OTOP2: variants seen among roughly 807,000 people sequenced by gnomAD.
The protein encoded by OTOP2 is proton channel OTOP2.
In OTOP2, 41 loss-of-function variants were observed where a neutral mutation model predicts 47.4. The ratio of observed to expected loss-of-function variants is 0.87; its 90% CI spans 0.67 to 1.12. The LOEUF is 1.12. OTOP2 is among the 50% of genes most tolerant of loss of function. The pLI is 0.00. For missense variants in OTOP2, 721 were observed against 752.2 expected (o/e 0.96, Z 0.49); for synonymous variants, 328 against 319.6 (o/e 1.03, Z -0.28).
Position 74,933,431 on chromosome 17 carries a change from G to A in OTOP2, c.1575G>A (p.Val525=). ...CTCATTTCAGCAACACAGTGGAGGTGGATTTCTACGGCTACTCCCTCTGGG... is the reference window on the plus strand; with the variant it reads ...CTCATTTCAGCAACACAGTGGAGGTAGATTTCTACGGCTACTCCCTCTGGG... ...ARPHFSNTVE[V]DFYGYSLWAV... Residue 525 remains valine (V), a synonymous_variant, in exon 7 of 7, where the codon GTG becomes GTA. Coordinates refer to ENST00000331427, the MANE Select transcript of OTOP2 (RefSeq NM_178160.3). This position sits in a 1 kb window ranked among gnomAD's most constrained non-coding sequence, Gnocchi z 4.7. 1.2e-6 allele frequency: 2 copies of A among 1,614,150 alleles called. No individual in the cohort carries two copies. The highest frequency in any genetic ancestry group is 8.5e-7 in the Non-Finnish European group (1 of 1,179,968).
intron 5 of OTOP2, chr17:74,928,043 C>T: frequency 2.0e-6 from 1 of 499,620 alleles, no homozygotes; most frequent in South Asian, 3.0e-5. Flanking sequence ...GTCTCCATCC[C>T]ACCAAGAAGG....
intron 5 of OTOP2, 123 bp downstream of exon 5, chr17:74,927,921 C>T: frequency 7.6e-7 from 1 of 1,307,482 alleles, no homozygotes; most frequent in Non-Finnish European, 1.0e-6. Context: ...GAGCCAGGGT[C>T]CTCCTCCTGT....
In OTOP2 at chr17:74,930,558, T is replaced by A; in HGVS notation, c.923T>A (p.Ile308Asn). 6.2e-7 allele frequency: 1 copy of A among 1,613,456 alleles called. No homozygotes were observed. ...LLFVVGLAVF[I>N]IYEVQVSGDG... is the part of the protein sequence containing the mutation. Reference sequence around the variant, plus strand: ...TTCGTGGTGGGGCTGGCTGTCTTCATCATCTACGAGGTTCAAGTGAGCGGG... The same window carrying A: ...TTCGTGGTGGGGCTGGCTGTCTTCAACATCTACGAGGTTCAAGTGAGCGGG... Residue 308 changes from isoleucine (I) to asparagine (N), a missense_variant, in exon 6 of 7, where the codon ATC (isoleucine) becomes AAC (asparagine). Ile to Asn is a moderately radical substitution (Grantham distance 149, BLOSUM62 -3). Transcript: ENST00000331427. This position sits in a 1 kb window ranked among gnomAD's most constrained non-coding sequence, Gnocchi z 4.0.
rs1480108737 is a variant in OTOP2, at chr17:74,925,623, T to C, written c.381T>C (p.Ser127=). 6.2e-7 allele frequency: 1 copy of C among 1,614,168 alleles called. No individual in the cohort carries two copies. Among genetic ancestry groups the C allele is most frequent in the Admixed American group, 1.7e-5 (1 of 60,024 alleles). Residue 127 remains serine, a synonymous_variant, in exon 3 of 7, where the codon AGT becomes AGC. Transcript: ENST00000331427. ...TCTTCAAGACCGGCTACTACTCCAG[T>C]TTCTTTGAGTGCCAGTCAGCCATCA... ...MDVFKTGYYS[S]FFECQSAIKI...
Position 74,930,673 on chromosome 17 carries a change from C to A in OTOP2, c.1038C>A (p.Gly346=). 1 of 1,614,098 alleles carries A rather than the reference C, an allele frequency of 6.2e-7. No individual in the cohort carries two copies. The highest frequency in any genetic ancestry group is 8.5e-7 in the Non-Finnish European group (1 of 1,180,026). The change falls in exon 6 of 7, where the codon GGC becomes GGA. Residue 346 remains glycine, a synonymous_variant. Coordinates refer to ENST00000331427, the MANE Select transcript of OTOP2 (RefSeq NM_178160.3). The surrounding 1 kb of genome is among the most constrained non-coding windows in gnomAD (Gnocchi z 4.0). Reference sequence around the variant, plus strand: ...TCACCACCTTGGTCAGCCTGAGCGGCTCCATCATCTACCGTTTTGACCGCC... The same window carrying A: ...TCACCACCTTGGTCAGCCTGAGCGGATCCATCATCTACCGTTTTGACCGCC... The part of the protein sequence containing the change: ...LGLTTLVSLS[G]SIIYRFDRRA...
intron 5 of OTOP2, 177 bp downstream of exon 5, chr17:74,927,975 G>A (rs939160611): frequency 9.5e-6 from 8 of 845,102 alleles, no homozygotes; most frequent in East Asian, 8.6e-5. Context: ...GACCCCAGAA[G>A]GGAAGTATCA....
intron 6 of OTOP2, among the ~76,000 whole-genome samples, chr17:74,931,379 C>T (rs2039057531): frequency 6.6e-6 from 1 of 152,154 alleles, no homozygotes; most frequent in African/African-American, 2.4e-5. Flanking sequence ...GGCATCTAAG[C>T]AGCAGATGGA....
intron 2 of OTOP2, 94 bp from the exon 3 acceptor site, chr17:74,925,462 A>C: frequency 6.6e-7 from 1 of 1,525,678 alleles, no homozygotes; most frequent in Non-Finnish European, 8.9e-7. Flanking sequence ...CCACCCATCT[A>C]GCCTCCCATC....
chr17:74,925,782 A>T (rs2039002145), intron 3 of OTOP2, 90 bp downstream of exon 3: 11 of 1,554,638 alleles, frequency 7.1e-6, no homozygotes, highest in Non-Finnish European at 9.6e-6. Flanking sequence ...CCTGAGCTCC[A>T]TCCGCCTCGT....
intron 3 of OTOP2, 46 bp downstream of exon 3, chr17:74,925,738 G>C: frequency 6.2e-7 from 1 of 1,610,574 alleles, no homozygotes; most frequent in Non-Finnish European, 8.5e-7. Context: ...GCTAACACTT[G>C]GCCATTGGGA....
In OTOP2 at chr17:74,930,672, G is replaced by A. The variant is rs770637853; in HGVS notation, c.1037G>A (p.Gly346Asp). ...CTCACCACCTTGGTCAGCCTGAGCG[G>A]CTCCATCATCTACCGTTTTGACCGC... ...LGLTTLVSLS[G>D]SIIYRFDRRA... Residue 346 changes from glycine (G) to aspartate (D), a missense_variant, in exon 6 of 7, where the codon GGC (glycine) becomes GAC (aspartate). Coordinates refer to ENST00000331427, the MANE Select transcript of OTOP2 (RefSeq NM_178160.3). This position sits in a 1 kb window ranked among gnomAD's most constrained non-coding sequence, Gnocchi z 4.0. The A allele has an allele frequency of 1.7e-5, 28 of 1,613,916 alleles. No individual in the cohort carries two copies. Among genetic ancestry groups the A allele is most frequent in the Non-Finnish European group, 2.4e-5 (28 of 1,180,018 alleles).
At chr17:74,927,149 G>C (rs2039014836) in intron 3 of OTOP2, 74 bp from the exon 4 acceptor site, 2 of 1,329,626 alleles carry the variant, frequency 1.5e-6, no homozygotes, top group Non-Finnish European at 2.2e-6. Flanking sequence ...AGAACAAGAT[G>C]GCATGGACTT....
chr17:74,927,930 G>C (rs183223186), intron 5 of OTOP2, 132 bp downstream of exon 5: 239 of 1,242,922 alleles, frequency 1.9e-4, no homozygotes, highest in Admixed American at 3.5e-4. Flanking sequence ...TCCTCCTCCT[G>C]TTGCAGGATC....
chr17:74,931,083 C>A lies in OTOP2; in HGVS notation c.1448C>A (p.Thr483Asn). Residue 483 changes from threonine to asparagine, a missense_variant, in exon 6 of 7, where the codon ACC becomes AAC. Thr to Asn is a moderately conservative substitution (Grantham distance 65). Transcript: ENST00000331427. ...CGGGAAGCAGTGGCCATCGTCTCAACCCCCAGAAGCCAGTGGAGACGCCAG... is the reference window on the plus strand; with the variant it reads ...CGGGAAGCAGTGGCCATCGTCTCAAACCCCAGAAGCCAGTGGAGACGCCAG... ...DQREAVAIVS[T>N]PRSQWRRQCL... 1 of 1,614,040 alleles carries A rather than the reference C, an allele frequency of 6.2e-7. No homozygotes were observed. Among genetic ancestry groups the A allele is most frequent in the East Asian group, 2.2e-5 (1 of 44,882 alleles).
rs1475560161 is a variant in OTOP2 at position 74,927,664 on chromosome 17, G to C, written c.510-1G>C. 8 of 1,612,966 alleles carry C rather than the reference G, an allele frequency of 5.0e-6. No individual in the cohort carries two copies. The highest frequency in any genetic ancestry group is 5.1e-6 in the Non-Finnish European group (6 of 1,179,480). On this transcript the variant is annotated splice_acceptor_variant, in intron 4 of 6. Transcript: ENST00000331427. LOFTEE classifies it high-confidence loss of function. ...TTGTCCCCACCCCTGACCCCAAACA[G>C]GTGTGGTCTCATGTTCACACTCACC...
intron 5 of OTOP2, among the ~76,000 whole-genome samples, chr17:74,928,787 A>G (rs572410806): frequency 5.4e-4 from 83 of 152,344 alleles, no homozygotes; most frequent in African/African-American, 1.7e-3. Context: ...GGGTCCCCCA[A>G]TAGCCAGGAC....
rs938771267 is a variant in OTOP2, at chr17:74,925,405, A to G, written c.314-151A>G. 4 of 887,306 alleles carry G rather than the reference A, an allele frequency of 4.5e-6. No homozygotes were observed. In the South Asian group the frequency reaches 6.8e-5, roughly 15 times the overall value. The allele number at this position is 887,306 out of a possible 1,614,324, so 55.0% of individuals were successfully genotyped here. ...TATCCACCTATCCACCTGTCCTCCC[A>G]CCCTCCCCATTGATCCATCCAACAG... On this transcript the variant is annotated intron_variant, in intron 2 of 6. Transcript: ENST00000331427.
At chr17:74,932,944 C>T in intron 6 of OTOP2, among the ~76,000 whole-genome samples, 1 of 152,078 alleles carries the variant, frequency 6.6e-6, no homozygotes, top group East Asian at 1.9e-4. Context: ...GGTGGGGTGG[C>T]CTTCTGTCTG....
chr17:74,933,354 A>C lies in OTOP2; in HGVS notation c.1519-21A>C. 1 of 1,583,290 alleles carries C rather than the reference A, an allele frequency of 6.3e-7. No homozygotes were observed. Among genetic ancestry groups the C allele is most frequent in the Non-Finnish European group, 8.6e-7 (1 of 1,156,978 alleles). On this transcript the variant is annotated intron_variant, in intron 6 of 6. Coordinates refer to ENST00000331427, the MANE Select transcript of OTOP2 (RefSeq NM_178160.3). This position sits in a 1 kb window ranked among gnomAD's most constrained non-coding sequence, Gnocchi z 4.7. ...GGCATCCATCCAGGCCAGCTCCTGAAATGCTCCTCTCTCCACACAGCTGTG... is the reference window on the plus strand; with the variant it reads ...GGCATCCATCCAGGCCAGCTCCTGACATGCTCCTCTCTCCACACAGCTGTG...
Sources: gnomAD v4.1 joint callset for allele counts (sites outside exome capture counted in the v4.1 genomes callset) on GRCh38, gnomAD v4.1.1 for gene constraint, Gnocchi (gnomAD v3.1) non-coding constraint, MANE v1.5 for transcripts, NCBI Gene and HGNC (gene_info 2026-07-23, HGNC 2026-07-21) for gene names.